Variants in CDH18 observed in about 807,000 individuals in gnomAD.
The protein encoded by CDH18 is cadherin 18.
CDH18 carries 31 observed loss-of-function variants against 67.9 expected under a neutral mutation model. That is an observed-to-expected ratio of 0.46 (90% CI 0.34 to 0.62). CDH18 has a LOEUF of 0.62. Among genes scored for constraint, CDH18 ranks in the 20% least tolerant of loss-of-function variants. The pLI, the probability that CDH18 is intolerant of heterozygous loss-of-function variation, is 0.01. For missense variants in CDH18, 890 were observed against 975.5 expected, an observed-to-expected ratio of 0.91 and a Z score of 1.17; for synonymous variants, 362 against 347.2, an observed-to-expected ratio of 1.04 and a Z score of -0.48.
chr5:20,379,359 T>G (rs1743728687), intron 1 of CDH18, among the ~76,000 whole-genome samples: 1 of 152,194 alleles, frequency 6.6e-6, no homozygotes, highest in South Asian at 2.1e-4. Context: ...TTACATACAA[T>G]CATACTTAAC....
intron 2 of CDH18, among the ~76,000 whole-genome samples, chr5:20,005,478 T>C (rs1015658679): frequency 6.6e-6 from 1 of 151,634 alleles, no homozygotes; most frequent in African/African-American, 2.4e-5. Context: ...TTGATTCTTA[T>C]GATTAAATAA....
intron 1 of CDH18, among the ~76,000 whole-genome samples, chr5:20,289,636 T>C (rs1746957237): frequency 6.6e-6 from 1 of 151,926 alleles, no homozygotes; most frequent in Admixed American, 6.6e-5. Context: ...AGTGTAAAAA[T>C]ATGTAAATTA....
chr5:19,985,501 T>G (rs1029584362), intron 1 of CDH18, among the ~76,000 whole-genome samples: 1 of 151,962 alleles, frequency 6.6e-6, no homozygotes, highest in Non-Finnish European at 1.5e-5. Context: ...TAGAGAGATT[T>G]TTTTATTGAC....
intron 2 of CDH18, among the ~76,000 whole-genome samples, chr5:20,045,765 C>A (rs1016093977): frequency 6.6e-6 from 1 of 151,962 alleles, no homozygotes; most frequent in Admixed American, 6.6e-5. Context: ...AAGGCACCAA[C>A]CACCTGGGAA....
At chr5:19,643,921 T>A (rs556583861) in intron 5 of CDH18, among the ~76,000 whole-genome samples, 1 of 152,288 alleles carries the variant, frequency 6.6e-6, no homozygotes, top group South Asian at 2.1e-4. Context: ...AATGTATACA[T>A]ACATCAAATT....
intron 1 of CDH18, among the ~76,000 whole-genome samples, chr5:20,514,197 A>G (rs749885673): frequency 6.6e-6 from 1 of 151,936 alleles, no homozygotes; most frequent in Admixed American, 6.6e-5. Flanking sequence ...TTATTTTCCT[A>G]TATCTCATCT....
At chr5:19,741,330 T>TCACACACACACA (rs60803879) in intron 4 of CDH18, among the ~76,000 whole-genome samples, 1 of 145,658 alleles carries the variant, frequency 6.9e-6, no homozygotes, top group African/African-American at 2.6e-5. Flanking sequence ...TATACATGTC[T>TCACACACACACA]CACACACACA....
intron 2 of CDH18, among the ~76,000 whole-genome samples, chr5:20,024,579 G>A (rs1161366607): frequency 1.3e-5 from 2 of 152,154 alleles, no homozygotes; most frequent in African/African-American, 2.4e-5. Flanking sequence ...AAATGTATGG[G>A]CTTGTAGAAT....
rs142039883 is a variant in CDH18 at position 20,521,904 on chromosome 5, G to A, written c.-580+53558C>T. Among the ~76,000 whole-genome samples, 14 of 152,080 alleles carry A rather than the reference G, an allele frequency of 9.2e-5. No homozygotes were observed. The East Asian group carries it at 2.1e-3, about 23-fold the overall frequency. On this transcript the variant is annotated intron_variant, in intron 1 of 14. Transcript: ENST00000507958. ...TAAAACCTGAAAAAAAACCCTCTTC[G>A]AATATTTCATACATTGAATTGTAGT...
At chr5:19,882,777 C>T (rs996943559) in intron 2 of CDH18, among the ~76,000 whole-genome samples, 3 of 151,634 alleles carry the variant, frequency 2.0e-5, no homozygotes, top group Non-Finnish European at 4.4e-5. Flanking sequence ...TAAGAGAATG[C>T]CAGAAAAAAA....
At chr5:20,545,864 T>C (rs562780808) in intron 1 of CDH18, among the ~76,000 whole-genome samples, 1 of 152,320 alleles carries the variant, frequency 6.6e-6, no homozygotes, top group South Asian at 2.1e-4. Context: ...TTCTACCCCA[T>C]GATCAGGCTG....
chr5:19,690,974 C>A, intron 5 of CDH18, among the ~76,000 whole-genome samples: 1 of 151,682 alleles, frequency 6.6e-6, no homozygotes, highest in East Asian at 1.9e-4. Context: ...ACAATAACAA[C>A]AAAAGCTACA....
At chr5:20,179,605 C>T (rs1737521982) in intron 2 of CDH18, among the ~76,000 whole-genome samples, 1 of 152,132 alleles carries the variant, frequency 6.6e-6, no homozygotes, top group South Asian at 2.1e-4. Flanking sequence ...CTGGGAAGAA[C>T]TGCCAGTGGG....
chr5:20,566,768 A>G (rs1368434387), intron 1 of CDH18, among the ~76,000 whole-genome samples: 2 of 152,078 alleles, frequency 1.3e-5, no homozygotes, highest in Non-Finnish European at 2.9e-5. Context: ...GTACAATTAA[A>G]ACAATGATTT....
intron 1 of CDH18, among the ~76,000 whole-genome samples, chr5:20,568,405 T>C (rs143966045): frequency 7.2e-5 from 11 of 152,308 alleles, no homozygotes; most frequent in African/African-American, 2.4e-4. Flanking sequence ...CTTTATTAAG[T>C]AATGTTTTTA....
At chr5:20,127,677 T>C (rs546089957) in intron 2 of CDH18, among the ~76,000 whole-genome samples, 50 of 152,226 alleles carry the variant, frequency 3.3e-4, no homozygotes, top group Non-Finnish European at 5.0e-4. Flanking sequence ...AGAATGATGA[T>C]TGCCAGTGGC....
chr5:20,029,555 C>T (rs571757166), intron 2 of CDH18, among the ~76,000 whole-genome samples: 9 of 152,268 alleles, frequency 5.9e-5, no homozygotes, highest in Admixed American at 2.6e-4. Context: ...TGCTTTAATG[C>T]TTACTTAAAA....
chr5:19,933,119 C>T (rs960455866), intron 2 of CDH18, among the ~76,000 whole-genome samples: 10 of 151,564 alleles, frequency 6.6e-5, no homozygotes, highest in Admixed American at 6.6e-4. Context: ...CTATCTTAAA[C>T]CTTCACCAAT....
At chr5:19,610,568 G>A (rs187956528) in intron 6 of CDH18, among the ~76,000 whole-genome samples, 14 of 152,074 alleles carry the variant, frequency 9.2e-5, no homozygotes, top group African/African-American at 3.4e-4. Context: ...TTTACAACCT[G>A]AGTTTTCTGT....
Sources: gnomAD v4.1 joint callset for allele counts (sites outside exome capture counted in the v4.1 genomes callset) on GRCh38, gnomAD v4.1.1 for gene constraint, MANE v1.5 for transcripts, NCBI Gene and HGNC (gene_info 2026-07-23, HGNC 2026-07-21) for gene names.